The following B3GALT1 variants were observed in gnomAD, a reference collection of about 807,000 sequenced individuals.
B3GALT1 encodes the protein UDP-Gal:betaGlcNAc beta 1,3-galactosyltransferase, polypeptide 1.
A neutral mutation model predicts 23.2 loss-of-function variants in B3GALT1; 10 were observed. The ratio of observed to expected loss-of-function variants is 0.43; its 90% confidence interval spans 0.27 to 0.73. The LOEUF (loss-of-function observed/expected upper bound fraction) is 0.73. Among genes scored for constraint, B3GALT1 ranks in the 30% least tolerant of loss-of-function variants. The pLI, the probability that B3GALT1 is intolerant of heterozygous loss-of-function variation, is 0.21. For missense variants in B3GALT1, 299 were observed against 405.4 expected (o/e 0.74, Z 2.25); for synonymous variants, 156 against 141.5 (o/e 1.10, Z -0.73).
chr2:167,339,986 G>A (rs533135601), intron 1 of B3GALT1, among the ~76,000 whole-genome samples: 1 of 152,232 alleles, frequency 6.6e-6, no homozygotes, highest in South Asian at 2.1e-4. Flanking sequence ...TGGAGCTTGA[G>A]GGTTTTCAAA....
intron 3 of B3GALT1, among the ~76,000 whole-genome samples, chr2:167,793,057 G>A (rs1574265062): frequency 6.6e-6 from 1 of 152,036 alleles, no homozygotes; most frequent in East Asian, 1.9e-4. Context: ...TATATAAACC[G>A]AAAAGGAGTT....
At chr2:167,362,146 T>TA (rs1559075396) in intron 1 of B3GALT1, among the ~76,000 whole-genome samples, 1 of 152,120 alleles carries the variant, frequency 6.6e-6, no homozygotes, top group African/African-American at 2.4e-5. Context: ...TTTTTTTTTT[T>TA]AAATATGTAT....
intron 3 of B3GALT1, among the ~76,000 whole-genome samples, chr2:167,739,166 T>A (rs761525248): frequency 6.6e-6 from 1 of 152,328 alleles, no homozygotes; most frequent in South Asian, 2.1e-4. Context: ...CATTCTAAGG[T>A]GCACCCTGTT....
chr2:167,445,840 A>G (rs2105316436), intron 1 of B3GALT1, among the ~76,000 whole-genome samples: 1 of 152,272 alleles, frequency 6.6e-6, no homozygotes, highest in South Asian at 2.1e-4. Flanking sequence ...GTGTCTTTTA[A>G]TTGGAGCATT....
At chr2:167,867,861 T>C (rs1037726512) in intron 4 of B3GALT1, among the ~76,000 whole-genome samples, 49 of 152,342 alleles carry the variant, frequency 3.2e-4, no homozygotes, top group East Asian at 1.9e-4. Flanking sequence ...GTAGAAGTTC[T>C]AGAAAGAATG....
chr2:167,851,312 A>G (rs1355050605), intron 4 of B3GALT1, among the ~76,000 whole-genome samples: 1 of 152,172 alleles, frequency 6.6e-6, no homozygotes, highest in Non-Finnish European at 1.5e-5. Context: ...AACCAGCCCT[A>G]CCTTTTATTA....
At chr2:167,762,596 A>AC (rs1687914392) in intron 3 of B3GALT1, among the ~76,000 whole-genome samples, 2 of 151,726 alleles carry the variant, frequency 1.3e-5, no homozygotes, top group South Asian at 2.1e-4. Flanking sequence ...AAAAAAAAAA[A>AC]CACTAATGAA....
At chr2:167,334,826 G>T (rs1194051116) in intron 1 of B3GALT1, among the ~76,000 whole-genome samples, 3 of 152,152 alleles carry the variant, frequency 2.0e-5, no homozygotes, top group Admixed American at 2.0e-4. Context: ...CTCCTCTCAA[G>T]AATTATGTTA....
intron 2 of B3GALT1, among the ~76,000 whole-genome samples, chr2:167,607,477 G>A (rs1684985510): frequency 6.6e-6 from 1 of 152,174 alleles, no homozygotes; most frequent in African/African-American, 2.4e-5. Flanking sequence ...CTTACTGCTA[G>A]TGCATATAAC....
chr2:167,846,463 C>T (rs1689763081), intron 4 of B3GALT1, among the ~76,000 whole-genome samples: 1 of 152,138 alleles, frequency 6.6e-6, no homozygotes, highest in Non-Finnish European at 1.5e-5. Context: ...TCAAACAAAA[C>T]AATTATCAGC....
intron 1 of B3GALT1, among the ~76,000 whole-genome samples, chr2:167,475,558 G>T (rs1007775653): frequency 4.6e-5 from 7 of 151,826 alleles, no homozygotes; most frequent in Non-Finnish European, 1.5e-5. Flanking sequence ...TGCTAGTTTT[G>T]CTGTCGAACT....
rs569534914 is a variant in B3GALT1, at chr2:167,825,755, G to C, written c.-230+6962G>C. On this transcript the variant is annotated intron_variant, in intron 4 of 4. Coordinates refer to ENST00000392690, the MANE Select transcript of B3GALT1 (RefSeq NM_020981.4). Reference sequence around the variant, plus strand: ...ATTGTGCATCTGCCCCTCTGACTTTGTCTCGGGCTTGGGCAGGGAGTCTGT... The same window carrying C: ...ATTGTGCATCTGCCCCTCTGACTTTCTCTCGGGCTTGGGCAGGGAGTCTGT... Among the ~76,000 whole-genome samples, 50 of 152,242 alleles carry C rather than the reference G, an allele frequency of 3.3e-4. 1 individual carries two copies. The South Asian group carries it at 8.7e-3, about 27-fold the overall frequency.
intron 1 of B3GALT1, among the ~76,000 whole-genome samples, chr2:167,407,259 A>G (rs1698296809): frequency 2.0e-5 from 3 of 152,216 alleles, no homozygotes; most frequent in African/African-American, 7.2e-5. Context: ...TCAATGAAGA[A>G]CTCAAGAAGG....
intron 4 of B3GALT1, among the ~76,000 whole-genome samples, chr2:167,850,970 TAATA>T (rs886449809): frequency 3.2e-4 from 49 of 152,032 alleles, no homozygotes; most frequent in African/African-American, 1.1e-3. Flanking sequence ...TATGGAAAAA[TAATA>T]AATACAAAAA....
At chr2:167,513,290 T>A (rs1038363667) in intron 2 of B3GALT1, among the ~76,000 whole-genome samples, 1 of 152,160 alleles carries the variant, frequency 6.6e-6, no homozygotes, top group African/African-American at 2.4e-5. Flanking sequence ...AAAATAAGGA[T>A]GCTTGCTATC....
chr2:167,730,774 A>G (rs1275156240), intron 3 of B3GALT1, among the ~76,000 whole-genome samples: 2 of 152,226 alleles, frequency 1.3e-5, no homozygotes, highest in East Asian at 1.9e-4. Flanking sequence ...TGCTCTGACC[A>G]TAGATTTTGG....
chr2:167,559,964 G>T (rs1219441989), intron 2 of B3GALT1, among the ~76,000 whole-genome samples: 1 of 152,096 alleles, frequency 6.6e-6, no homozygotes, highest in Non-Finnish European at 1.5e-5. Context: ...ATGCCACAAA[G>T]ATACTCCTCG....
chr2:167,351,194 G>A (rs1466875512), intron 1 of B3GALT1, among the ~76,000 whole-genome samples: 1 of 151,342 alleles, frequency 6.6e-6, no homozygotes, highest in African/African-American at 2.4e-5. Context: ...GCTTGAACCT[G>A]GAAAGCGGAG....
chr2:167,429,280 C>CAA (rs59299487), intron 1 of B3GALT1, among the ~76,000 whole-genome samples: 16 of 88,832 alleles, frequency 1.8e-4, no homozygotes, highest in African/African-American at 4.6e-4. Context: ...GACTCTGTCT[C>CAA]AAAAAAAAAA....
Sources: allele counts gnomAD v4.1 joint callset (sites outside exome capture counted in the v4.1 genomes callset), GRCh38; gene constraint gnomAD v4.1.1; transcripts MANE v1.5; gene names NCBI Gene and HGNC (gene_info 2026-07-23, HGNC 2026-07-21).